Variants in NCAM2 observed in about 807,000 individuals in gnomAD.
NCAM2 encodes the protein N-CAM-2.
NCAM2 carries 30 observed loss-of-function variants against 98.1 expected under a neutral mutation model. The observed-to-expected ratio is 0.31, with a 90% CI of 0.23 to 0.41. The LOEUF (loss-of-function observed/expected upper bound fraction) is 0.41, where lower values mean the gene tolerates loss of function less well. Ranked by LOEUF, NCAM2 falls within the 10% of genes least tolerant of loss-of-function variation. The pLI is 1.00. For missense variants in NCAM2, 867 were observed against 1,005.8 expected (o/e 0.86, Z 1.87); for synonymous variants, 368 against 342.4 (o/e 1.07, Z -0.83).
chr21:21,490,942 G>A (rs1986800466), intron 15 of NCAM2, among the ~76,000 whole-genome samples: 2 of 151,698 alleles, frequency 1.3e-5, no homozygotes, highest in South Asian at 4.1e-4. Flanking sequence ...GTACCTCTGT[G>A]TCTCCATTGT....
In NCAM2 at chr21:21,448,542, A is replaced by G. The variant is rs551189289; in HGVS notation, c.1654+16261A>G. On this transcript the variant is annotated intron_variant, in intron 12 of 17. Coordinates refer to ENST00000400546, the MANE Select transcript of NCAM2 (RefSeq NM_004540.5). The stretch of plus-strand genomic sequence containing the variant: ...AATAAATAAATAAATAAATAAGTAA[A>G]ATAATCAGTATTTGGTCTTAGCTTT... 2.6e-5 allele frequency among the ~76,000 whole-genome samples: 4 copies of G among 151,758 alleles called. No homozygotes were observed. The South Asian group carries it at 8.4e-4, about 32-fold the overall frequency.
chr21:21,372,759 CA>C (rs1361513506), intron 8 of NCAM2, among the ~76,000 whole-genome samples: 2 of 151,664 alleles, frequency 1.3e-5, no homozygotes, highest in African/African-American at 4.8e-5. Flanking sequence ...TCTGTTTTTC[CA>C]GAATTTATGT....
chr21:21,166,202 T>C (rs1254490331), intron 1 of NCAM2, among the ~76,000 whole-genome samples: 2 of 152,140 alleles, frequency 1.3e-5, no homozygotes, highest in African/African-American at 2.4e-5. Context: ...TCAAGACTTA[T>C]ATTATTTATT....
chr21:21,059,740 T>A (rs1222248262), intron 1 of NCAM2, among the ~76,000 whole-genome samples: 1 of 152,084 alleles, frequency 6.6e-6, no homozygotes, highest in African/African-American at 2.4e-5. Flanking sequence ...CAGAACACAT[T>A]AGCCAATGTC....
intron 1 of NCAM2, among the ~76,000 whole-genome samples, chr21:21,098,331 C>A (rs1341006501): frequency 6.6e-6 from 1 of 151,658 alleles, no homozygotes; most frequent in Non-Finnish European, 1.5e-5. Context: ...GTCACTGTAT[C>A]TCTCAACTGT....
chr21:21,035,814 G>A (rs902611064), intron 1 of NCAM2, among the ~76,000 whole-genome samples: 2 of 152,064 alleles, frequency 1.3e-5, no homozygotes, highest in Admixed American at 6.6e-5. Flanking sequence ...AAAAAAGAAA[G>A]CATCAGTATA....
intron 6 of NCAM2, among the ~76,000 whole-genome samples, chr21:21,327,925 G>T (rs2074562913): frequency 6.6e-6 from 1 of 152,138 alleles, no homozygotes; most frequent in African/African-American, 2.4e-5. Context: ...GGGAGTAAAA[G>T]CAGTGACTCT....
intron 1 of NCAM2, among the ~76,000 whole-genome samples, chr21:21,217,974 T>C (rs1288274606): frequency 6.6e-6 from 1 of 152,160 alleles, no homozygotes. Context: ...TAAACAGCCA[T>C]AGAATCTCCA....
chr21:21,496,447 A>G (rs979210132), intron 15 of NCAM2, among the ~76,000 whole-genome samples: 4 of 151,884 alleles, frequency 2.6e-5, no homozygotes, highest in Non-Finnish European at 5.9e-5. Context: ...TCCTTTGCGT[A>G]TTCTTTAATG....
chr21:21,303,728 A>G (rs1451612671), intron 5 of NCAM2, among the ~76,000 whole-genome samples: 1 of 152,084 alleles, frequency 6.6e-6, no homozygotes, highest in African/African-American at 2.4e-5. Context: ...ACCTTCCCCA[A>G]AGCAGTGTAC....
At chr21:21,238,520 G>A (rs1050164143) in intron 1 of NCAM2, among the ~76,000 whole-genome samples, 13 of 150,812 alleles carry the variant, frequency 8.6e-5, no homozygotes, top group African/African-American at 2.4e-4. Flanking sequence ...AACAGATAAC[G>A]TGAAATCATA....
chr21:21,506,484 T>C (rs1466900767), intron 15 of NCAM2, among the ~76,000 whole-genome samples: 1 of 152,130 alleles, frequency 6.6e-6, no homozygotes, highest in Non-Finnish European at 1.5e-5. Flanking sequence ...TTGCTTGATA[T>C]ATTATTTTTG....
intron 1 of NCAM2, among the ~76,000 whole-genome samples, chr21:21,230,917 C>T (rs1846417866): frequency 6.6e-6 from 1 of 151,154 alleles, no homozygotes; most frequent in African/African-American, 2.4e-5. Context: ...TTGTAGGTGA[C>T]TGGAATATTT....
chr21:21,195,675 T>C lies in NCAM2; in HGVS notation c.56-84903T>C, dbSNP rs530918390. ...TGTAGAAAAGGATAAGAAAATGATA[T>C]GACTAAAAATTATTCTGATGTGTGT... On this transcript the variant is annotated intron_variant, in intron 1 of 17. Coordinates refer to ENST00000400546, the MANE Select transcript of NCAM2 (RefSeq NM_004540.5). Among the ~76,000 whole-genome samples, 23 of 152,340 alleles carry C rather than the reference T, an allele frequency of 1.5e-4. 1 individual carries two copies. The highest frequency in any genetic ancestry group is 4.8e-4 in the African/African-American group (20 of 41,596).
chr21:21,243,194 G>C (rs1006458393), intron 1 of NCAM2, among the ~76,000 whole-genome samples: 1 of 152,160 alleles, frequency 6.6e-6, no homozygotes, highest in East Asian at 1.9e-4. Flanking sequence ...ATGAAACTCA[G>C]AGGTTTCAGT....
intron 6 of NCAM2, among the ~76,000 whole-genome samples, chr21:21,326,770 C>A (rs1038962245): frequency 2.6e-5 from 4 of 152,002 alleles, no homozygotes; most frequent in Non-Finnish European, 4.4e-5. Context: ...AATAATTGTT[C>A]TAGTCTCTGG....
At chr21:21,476,408 A>G (rs1022330886) in intron 14 of NCAM2, among the ~76,000 whole-genome samples, 7 of 152,066 alleles carry the variant, frequency 4.6e-5, no homozygotes, top group African/African-American at 1.7e-4. Flanking sequence ...TTGCTTTTCC[A>G]AAAACCTGAC....
At chr21:21,077,669 CAAAT>C (rs2065707777) in intron 1 of NCAM2, among the ~76,000 whole-genome samples, 2 of 152,014 alleles carry the variant, frequency 1.3e-5, no homozygotes, top group Admixed American at 6.6e-5. Context: ...ATAGTCTAAA[CAAAT>C]AGAGGCAGTA....
rs1335350912 is a variant in NCAM2, at chr21:21,491,843, A to G, written c.2077+14372A>G. 2.6e-5 allele frequency among the ~76,000 whole-genome samples: 4 copies of G among 151,692 alleles called. No individual in the cohort carries two copies. In the South Asian group the frequency reaches 8.3e-4, roughly 31 times the overall value. On this transcript the variant is annotated intron_variant, in intron 15 of 17. Transcript: ENST00000400546. ...ATTTTAATGCATTTATAAGTCTTAT[A>G]TATTGTAATACTTATACTTCTTTTA... is the stretch of plus-strand genomic sequence containing the variant.
Sources: gnomAD v4.1 joint callset for allele counts (sites outside exome capture counted in the v4.1 genomes callset) on GRCh38, gnomAD v4.1.1 for gene constraint, MANE v1.5 for transcripts, NCBI Gene and HGNC (gene_info 2026-07-23, HGNC 2026-07-21) for gene names.